SFI1: variants seen among roughly 807,000 people sequenced by gnomAD.
The protein encoded by SFI1 is SFI1 centrin binding protein, also known as protein SFI1 homolog.
Under a neutral mutation model 207.5 loss-of-function variants are expected in SFI1, and 195 were observed. That is an observed-to-expected ratio of 0.94 (90% CI 0.84 to 1.06). SFI1 has a LOEUF of 1.06. Among genes scored for constraint, SFI1 ranks in the 50% least tolerant of loss-of-function variants. The pLI is 0.00. For synonymous variants in SFI1, 630 were observed against 598.9 expected (o/e 1.05, Z -0.76); for missense variants, 1,634 against 1,588.0 (o/e 1.03, Z -0.49).
At chr22:31,550,418 A>G in intron 6 of SFI1, 70 bp downstream of exon 6, 1 of 1,187,736 alleles carries the variant, frequency 8.4e-7, no homozygotes, top group Non-Finnish European at 1.2e-6. Context: ...AGGAAGGACA[A>G]ACACATTGTC....
chr22:31,565,426 G>A (rs912623699), intron 8 of SFI1, among the ~76,000 whole-genome samples: 2 of 151,868 alleles, frequency 1.3e-5, no homozygotes, highest in East Asian at 1.9e-4. Flanking sequence ...GAGGGGTCAC[G>A]GTGGCCTACA....
At chr22:31,501,924 A>C (rs2053849558) in intron 1 of SFI1, among the ~76,000 whole-genome samples, 1 of 152,080 alleles carries the variant, frequency 6.6e-6, no homozygotes, top group Non-Finnish European at 1.5e-5. Flanking sequence ...CATTAGCTTC[A>C]TTGACATGTC....
chr22:31,551,605 A>T (rs1454453287), intron 6 of SFI1, among the ~76,000 whole-genome samples: 1 of 152,162 alleles, frequency 6.6e-6, no homozygotes, highest in African/African-American at 2.4e-5. Flanking sequence ...AAATTTTTGT[A>T]TTTTTGGTAG....
At chr22:31,615,393 C>G in intron 29 of SFI1, 114 bp downstream of exon 29, 1 of 994,820 alleles carries the variant, frequency 1.0e-6, no homozygotes, top group Non-Finnish European at 1.4e-6. Context: ...ACAGGGAGGC[C>G]ACTCATCCAT....
intron 8 of SFI1, 143 bp downstream of exon 8, chr22:31,561,535 C>A: frequency 1.5e-6 from 1 of 658,582 alleles, no homozygotes; most frequent in Non-Finnish European, 2.5e-6. Flanking sequence ...CTGGGCTCTT[C>A]CAGAGGGAGG....
intron 28 of SFI1, 80 bp downstream of exon 28, chr22:31,614,940 G>A: frequency 1.3e-6 from 2 of 1,583,594 alleles, no homozygotes. Context: ...TCCATGTGGG[G>A]CCTGTGTTTT....
At chr22:31,614,082 C>G (rs2147357697) in intron 27 of SFI1, 1 of 573,638 alleles carries the variant, frequency 1.7e-6, no homozygotes, top group South Asian at 3.2e-5. Flanking sequence ...CCTGCCAAAG[C>G]TCAGGAAATA....
At chr22:31,557,452 G>A (rs1369454504) in intron 7 of SFI1, among the ~76,000 whole-genome samples, 1 of 151,838 alleles carries the variant, frequency 6.6e-6, no homozygotes, top group African/African-American at 2.4e-5. Flanking sequence ...GCCTCCCAAA[G>A]TGCTGGGATT....
chr22:31,554,627 T>G (rs2060986841), intron 6 of SFI1, among the ~76,000 whole-genome samples: 1 of 141,068 alleles, frequency 7.1e-6, no homozygotes. Context: ...TTTTTTCAGA[T>G]GGAGCCTCAC....
chr22:31,525,358 A>T (rs1010094284), intron 2 of SFI1, among the ~76,000 whole-genome samples: 6 of 152,066 alleles, frequency 3.9e-5, no homozygotes, highest in African/African-American at 1.4e-4. Flanking sequence ...ATTTTTCTGC[A>T]TGTAGATACT....
At chr22:31,589,219 T>C (rs1289808903) in intron 14 of SFI1, among the ~76,000 whole-genome samples, 2 of 151,306 alleles carry the variant, frequency 1.3e-5, no homozygotes, top group African/African-American at 4.8e-5. Flanking sequence ...TGCGTGTGTG[T>C]GTGTGTGTGT....
At chr22:31,545,041 A>G (rs914619538) in intron 4 of SFI1, among the ~76,000 whole-genome samples, 4 of 152,096 alleles carry the variant, frequency 2.6e-5, no homozygotes, top group Non-Finnish European at 4.4e-5. Flanking sequence ...CTGACACCAC[A>G]GGTGCGTGCC....
chr22:31,606,693 C>CTTT (rs10524692), intron 21 of SFI1: 105 of 115,482 alleles, frequency 9.1e-4, no homozygotes, highest in East Asian at 1.7e-3. Flanking sequence ...TTCTTTTTTT[C>CTTT]TTTTTTTTTT....
chr22:31,507,543 A>G (rs2146587713), intron 1 of SFI1, among the ~76,000 whole-genome samples: 1 of 152,338 alleles, frequency 6.6e-6, no homozygotes, highest in African/African-American at 2.4e-5. Flanking sequence ...ACTTCTGCAC[A>G]GCAAAAGAAA....
chr22:31,558,905 T>C (rs76004575), intron 7 of SFI1, among the ~76,000 whole-genome samples: 8,610 of 152,196 alleles, frequency 0.057, 337 homozygotes, highest in South Asian at 0.11. Flanking sequence ...CAAGCTCTGC[T>C]TCCTGGGTTC....
rs1035587309 is a variant in SFI1, at chr22:31,500,806, GTTT to G, written c.-31+4178_-31+4180del. 4.1e-4 allele frequency among the ~76,000 whole-genome samples: 42 copies of G among 102,858 alleles called. No homozygotes were observed. In the East Asian group the frequency reaches 9.1e-3, roughly 22 times the overall value. 67.5% of individuals were successfully genotyped at this position (102,858 alleles called of 152,430 possible). A position where few individuals can be genotyped will look rare whatever the true frequency, so the allele number is the denominator to read the frequency against. ...TGTGTTTGTTTTGTTTTTGTTTTTT[GTTT>G]TTTTTTTTGAGTCTGAGTGTTGCTC... On this transcript the variant is annotated intron_variant, in intron 1 of 32. Transcript: ENST00000400288.
intron 2 of SFI1, among the ~76,000 whole-genome samples, chr22:31,509,013 C>T (rs2055089995): frequency 6.6e-6 from 1 of 152,136 alleles, no homozygotes; most frequent in Non-Finnish European, 1.5e-5. Flanking sequence ...GATTTTGTCA[C>T]ATGGTTTTTG....
At chr22:31,581,736 T>G (rs2064202707) in intron 12 of SFI1, among the ~76,000 whole-genome samples, 1 of 152,130 alleles carries the variant, frequency 6.6e-6, no homozygotes. Flanking sequence ...TGTTACTATT[T>G]TATGAAAAAT....
intron 8 of SFI1, among the ~76,000 whole-genome samples, chr22:31,569,106 A>T (rs1402823221): frequency 6.6e-6 from 1 of 152,212 alleles, no homozygotes; most frequent in Non-Finnish European, 1.5e-5. Flanking sequence ...GGTTAATGAG[A>T]GAGAAGCCTT....
Sources: gnomAD v4.1 joint callset for allele counts (sites outside exome capture counted in the v4.1 genomes callset) on GRCh38, gnomAD v4.1.1 for gene constraint, MANE v1.5 for transcripts, NCBI Gene and HGNC (gene_info 2026-07-23, HGNC 2026-07-21) for gene names.